The following RIMS2 variants were observed in gnomAD, a reference collection of about 807,000 sequenced individuals.
RIMS2 encodes the protein regulating synaptic membrane exocytosis 2, also known as regulating synaptic membrane exocytosis protein 2.
RIMS2 carries 59 observed loss-of-function variants against 174.4 expected under a neutral mutation model. That is an observed-to-expected ratio of 0.34 (90% CI 0.27 to 0.42). The LOEUF is 0.42. Ranked by LOEUF, RIMS2 falls within the 10% of genes least tolerant of loss-of-function variation. RIMS2 has a pLI of 1.00. For missense variants in RIMS2, 1,620 were observed against 1,666.3 expected (o/e 0.97, Z 0.48); for synonymous variants, 606 against 572.5 (o/e 1.06, Z -0.84).
At chr8:103,525,915 A>G (rs1227953160) in intron 1 of RIMS2, among the ~76,000 whole-genome samples, 2 of 152,210 alleles carry the variant, frequency 1.3e-5, no homozygotes, top group Non-Finnish European at 2.9e-5. Flanking sequence ...TATAAAAATC[A>G]TCTGTTCGTA....
chr8:104,234,563 CAAG>C (rs143628815), intron 19 of RIMS2, among the ~76,000 whole-genome samples: 60,757 of 151,682 alleles, frequency 0.4, 12,579 homozygotes, highest in East Asian at 0.63. Flanking sequence ...ACAAGAAAAA[CAAG>C]AAAGTACCAA....
intron 1 of RIMS2, among the ~76,000 whole-genome samples, chr8:103,521,153 G>A (rs1831468022): frequency 8.3e-6 from 1 of 119,792 alleles, no homozygotes; most frequent in Admixed American, 9.5e-5. Flanking sequence ...AGGGAGGGGG[G>A]AGGGATAGCA....
rs78076624 is a variant in RIMS2, at chr8:103,745,952, A to G, written c.388-20275A>G. Reference sequence around the variant, plus strand: ...CTTTGATACTTAAAAGGTTTTTTTGATGAAGTCCAATTTATCTATTTTTTG... The same window carrying G: ...CTTTGATACTTAAAAGGTTTTTTTGGTGAAGTCCAATTTATCTATTTTTTG... On this transcript the variant is annotated intron_variant, in intron 2 of 23. Coordinates refer to ENST00000504942, the Ensembl canonical transcript of RIMS2. Among the ~76,000 whole-genome samples, 83 of 152,068 alleles carry G rather than the reference A, an allele frequency of 5.5e-4. No homozygotes were observed. The East Asian group carries it at 0.015, about 28-fold the overall frequency.
intron 19 of RIMS2, among the ~76,000 whole-genome samples, chr8:104,159,243 C>G (rs1259883570): frequency 6.6e-6 from 1 of 152,118 alleles, no homozygotes; most frequent in Non-Finnish European, 1.5e-5. Flanking sequence ...CTATTCTGTT[C>G]CATTGGTCTA....
intron 19 of RIMS2, among the ~76,000 whole-genome samples, chr8:104,045,466 A>G (rs2154558123): frequency 6.6e-6 from 1 of 152,010 alleles, no homozygotes; most frequent in South Asian, 2.1e-4. Flanking sequence ...AACAAGTCTA[A>G]TACAAAATAA....
chr8:103,838,328 G>A (rs2098916853), intron 3 of RIMS2, among the ~76,000 whole-genome samples: 1 of 152,088 alleles, frequency 6.6e-6, no homozygotes, highest in African/African-American at 2.4e-5. Context: ...TTTTCTGCTA[G>A]CAAGGTTTAA....
intron 1 of RIMS2, among the ~76,000 whole-genome samples, chr8:103,560,469 T>G (rs1160222778): frequency 6.6e-6 from 1 of 152,218 alleles, no homozygotes; most frequent in African/African-American, 2.4e-5. Flanking sequence ...ACATGTGCCC[T>G]TTATATAAAC....
At chr8:103,572,016 G>C (rs2092848211) in intron 1 of RIMS2, among the ~76,000 whole-genome samples, 1 of 152,092 alleles carries the variant, frequency 6.6e-6, no homozygotes, top group South Asian at 2.1e-4. Context: ...GGTCTCTCTT[G>C]ACTTCAAAAA....
At chr8:103,533,573 A>T (rs1018938392) in intron 1 of RIMS2, among the ~76,000 whole-genome samples, 1 of 150,836 alleles carries the variant, frequency 6.6e-6, no homozygotes, top group South Asian at 2.1e-4. Flanking sequence ...GAGGCAGGAG[A>T]ATTGCTTGAA....
chr8:103,643,331 T>C (rs1434568641), intron 1 of RIMS2, among the ~76,000 whole-genome samples: 2 of 152,086 alleles, frequency 1.3e-5, no homozygotes, highest in African/African-American at 4.8e-5. Flanking sequence ...ACGTTTTACA[T>C]TGGAACTCTT....
rs193209026 is a variant in RIMS2 at position 103,899,741 on chromosome 8, A to G, written c.1625-10393A>G. On this transcript the variant is annotated intron_variant, in intron 4 of 23. Transcript: ENST00000504942. ...TAGTTTAATTAGATCCTATTTGTCA[A>G]TTTTGGCTTTTGTTGCCATTGCTTT... Among the ~76,000 whole-genome samples the G allele has an allele frequency of 4.4e-3, 672 of 151,740 alleles. 4 individuals are homozygous for G. The highest frequency in any genetic ancestry group is 0.01 in the Middle Eastern group (3 of 290).
chr8:103,951,109 A>C (rs2085240265), intron 14 of RIMS2, among the ~76,000 whole-genome samples: 1 of 152,256 alleles, frequency 6.6e-6, no homozygotes, highest in Non-Finnish European at 1.5e-5. Context: ...TCAAAACTAA[A>C]TACAAAAATC....
intron 19 of RIMS2, among the ~76,000 whole-genome samples, chr8:104,096,464 T>G (rs1211134537): frequency 6.6e-6 from 1 of 152,194 alleles, no homozygotes; most frequent in East Asian, 1.9e-4. Flanking sequence ...ACACTTAGCT[T>G]AAGTAACTGT....
intron 2 of RIMS2, among the ~76,000 whole-genome samples, chr8:103,736,915 A>G (rs954069318): frequency 6.6e-6 from 1 of 152,136 alleles, no homozygotes. Flanking sequence ...TGTTTTCCTC[A>G]GATCAGCCAT....
chr8:103,818,014 A>G (rs2154471325), intron 3 of RIMS2, among the ~76,000 whole-genome samples: 1 of 152,128 alleles, frequency 6.6e-6, no homozygotes, highest in East Asian at 1.9e-4. Context: ...ATAAAATAAA[A>G]TAATAAACTG....
chr8:103,854,104 T>C (rs934286327), intron 3 of RIMS2, among the ~76,000 whole-genome samples: 3 of 152,110 alleles, frequency 2.0e-5, no homozygotes, highest in Non-Finnish European at 4.4e-5. Flanking sequence ...ACCTCCTTGG[T>C]TAGCTGTGTT....
chr8:104,247,566 T>C (rs997388400), intron 20 of RIMS2, among the ~76,000 whole-genome samples: 7 of 152,134 alleles, frequency 4.6e-5, no homozygotes, highest in Non-Finnish European at 7.3e-5. Flanking sequence ...CACGATTCAG[T>C]CCATAACAGA....
At chr8:103,712,673 C>A (rs2097321366) in intron 2 of RIMS2, among the ~76,000 whole-genome samples, 1 of 152,042 alleles carries the variant, frequency 6.6e-6, no homozygotes. Flanking sequence ...ATAAAAAATT[C>A]ATGACATCAC....
intron 19 of RIMS2, among the ~76,000 whole-genome samples, chr8:104,101,170 A>G (rs534293764): frequency 6.7e-6 from 1 of 149,276 alleles, no homozygotes; most frequent in Non-Finnish European, 1.5e-5. Context: ...TCTGCTGCCC[A>G]TGCTGGAGTG....
Sources: allele counts gnomAD v4.1 joint callset (sites outside exome capture counted in the v4.1 genomes callset), GRCh38; gene constraint gnomAD v4.1.1; transcripts MANE v1.5; gene names NCBI Gene and HGNC (gene_info 2026-07-23, HGNC 2026-07-21).